The following CLEC16A variants were observed in gnomAD, a reference collection of about 807,000 sequenced individuals.
CLEC16A encodes protein CLEC16A.
Under a neutral mutation model 109.5 loss-of-function variants are expected in CLEC16A, and 51 were observed. The observed-to-expected ratio is 0.47, with a 90% CI of 0.37 to 0.59. The LOEUF (loss-of-function observed/expected upper bound fraction) is 0.59, where lower values mean the gene tolerates loss of function less well. Ranked by LOEUF, CLEC16A falls within the 20% of genes least tolerant of loss-of-function variation. CLEC16A has a pLI of 0.00. For missense variants in CLEC16A, 1,339 were observed against 1,394.0 expected (o/e 0.96, Z 0.63); for synonymous variants, 673 against 564.2 (o/e 1.19, Z -2.73).
At position 10,986,709 on chromosome 16, in the gene CLEC16A, G is replaced by C. The variant is rs2043680648; in HGVS notation, c.1071+3718G>C. Among the ~76,000 whole-genome samples, 3 of 142,978 alleles carry C rather than the reference G, an allele frequency of 2.1e-5. No individual in the cohort carries two copies. In the South Asian group the frequency reaches 6.6e-4, roughly 31 times the overall value. 93.8% of individuals were successfully genotyped at this position (142,978 alleles called of 152,430 possible). A position where few individuals can be genotyped will look rare whatever the true frequency, so the allele number is the denominator to read the frequency against. On this transcript the variant is annotated intron_variant, in intron 10 of 23. Coordinates refer to ENST00000409790, the MANE Select transcript of CLEC16A (RefSeq NM_015226.3). ...TTCATCCATGTTGTCGCATATATCA[G>C]AATTTATTTCTTTAAGGCTCAATGT... is the stretch of plus-strand genomic sequence containing the variant.
chr16:11,121,435 A>G (rs561063777), intron 20 of CLEC16A, among the ~76,000 whole-genome samples: 36 of 152,312 alleles, frequency 2.4e-4, no homozygotes, highest in African/African-American at 8.4e-4. Context: ...AGACACTGCC[A>G]AATACCACTC....
rs1285197306 is a variant in CLEC16A at position 11,039,745 on chromosome 16, C to G, written c.1538-9C>G. 1.3e-6 allele frequency: 2 copies of G among 1,592,878 alleles called. No individual in the cohort carries two copies. The highest frequency in any genetic ancestry group is 1.7e-4 in the Middle Eastern group (1 of 6,036). ...AGGCCTCCACTTACATCCTTCTCCT[C>G]TGTTCCAGGCATGGATCCTGAAAAA... On this transcript the variant is annotated splice_polypyrimidine_tract_variant and intron_variant, in intron 13 of 23. Transcript: ENST00000409790.
intron 22 of CLEC16A, among the ~76,000 whole-genome samples, chr16:11,138,245 G>C (rs761560615): frequency 6.6e-6 from 1 of 152,204 alleles, no homozygotes; most frequent in African/African-American, 2.4e-5. Context: ...GGGTCAGGGG[G>C]AGGGACTGTG....
chr16:11,105,891 C>G (rs1035830432), intron 19 of CLEC16A, among the ~76,000 whole-genome samples: 2 of 152,160 alleles, frequency 1.3e-5, no homozygotes, highest in Admixed American at 1.3e-4. Context: ...TCCTCAGTGG[C>G]CCTGAGTGTG....
chr16:10,984,542 T>C (rs375076324), intron 10 of CLEC16A, among the ~76,000 whole-genome samples: 2 of 151,724 alleles, frequency 1.3e-5, no homozygotes, highest in Non-Finnish European at 2.9e-5. Context: ...AATAACTCAC[T>C]GTCTTAACTC....
At chr16:11,126,698 C>G (rs2052847848) in intron 22 of CLEC16A, 1 of 172,698 alleles carries the variant, frequency 5.8e-6, no homozygotes, top group East Asian at 1.7e-4. Context: ...GCTGATTTGT[C>G]AGAGTGGAAA....
At chr16:11,150,970 A>C (rs996619683) in intron 22 of CLEC16A, among the ~76,000 whole-genome samples, 4 of 152,156 alleles carry the variant, frequency 2.6e-5, no homozygotes, top group African/African-American at 9.7e-5. Context: ...ATTTTTTAGG[A>C]GGCACAGACA....
intron 19 of CLEC16A, among the ~76,000 whole-genome samples, chr16:11,114,128 C>CGTGTGTGTGTGT (rs3030600): frequency 0.012 from 1,468 of 127,272 alleles, 32 homozygotes; most frequent in African/African-American, 0.021. Context: ...TGAGGATGGC[C>CGTGTGTGTGTGT]GTGTGTGTGT....
chr16:11,043,256 A>C (rs1159039087), intron 15 of CLEC16A, among the ~76,000 whole-genome samples: 1 of 152,150 alleles, frequency 6.6e-6, no homozygotes, highest in East Asian at 1.9e-4. Context: ...CTATCTCTAA[A>C]AAAACAAAAA....
chr16:11,143,483 C>T lies in CLEC16A; in HGVS notation c.2641+17337C>T, dbSNP rs371206638. On this transcript the variant is annotated intron_variant, in intron 22 of 23. Transcript: ENST00000409790. ...GCCACAGCCGCTTGTAAAAACCATGCCACTTATATAGCAGTTTCCCTTAGC... is the reference window on the plus strand; with the variant it reads ...GCCACAGCCGCTTGTAAAAACCATGTCACTTATATAGCAGTTTCCCTTAGC... Among the ~76,000 whole-genome samples the T allele has an allele frequency of 3.9e-5, 6 of 152,276 alleles. No homozygotes were observed. The East Asian group carries it at 7.7e-4, about 20-fold the overall frequency.
intron 13 of CLEC16A, among the ~76,000 whole-genome samples, chr16:11,039,267 A>G (rs371458807): frequency 4.7e-4 from 72 of 152,342 alleles, no homozygotes; most frequent in African/African-American, 1.6e-3. Flanking sequence ...GTCTTGGGCC[A>G]CCATGAGTAG....
At chr16:11,151,270 C>G (rs1480933652) in intron 22 of CLEC16A, among the ~76,000 whole-genome samples, 1 of 152,194 alleles carries the variant, frequency 6.6e-6, no homozygotes, top group African/African-American at 2.4e-5. Flanking sequence ...CCTCCAGAAA[C>G]CATTCCTTAG....
intron 19 of CLEC16A, 95 bp from the exon 20 acceptor site, chr16:11,120,520 C>A (rs766869551): frequency 3.7e-6 from 5 of 1,338,922 alleles, no homozygotes; most frequent in Non-Finnish European, 5.0e-6. Context: ...AACCACTGAG[C>A]TCTGCTCCTG....
intron 19 of CLEC16A, among the ~76,000 whole-genome samples, chr16:11,062,661 TG>T (rs1175441029): frequency 6.6e-6 from 1 of 152,230 alleles, no homozygotes; most frequent in Non-Finnish European, 1.5e-5. Flanking sequence ...GTGTGTTACC[TG>T]GTTGTCTGGT....
chr16:11,156,917 G>GCCCCCCCCCC (rs60216625), intron 22 of CLEC16A, among the ~76,000 whole-genome samples: 112 of 77,354 alleles, frequency 1.4e-3, no homozygotes, highest in Middle Eastern at 0.014. Context: ...CCAAATGCCC[G>GCCCCCCCCCC]CCCCCCCCCC....
chr16:11,048,755 G>A (rs747628645), intron 17 of CLEC16A, among the ~76,000 whole-genome samples: 3 of 152,100 alleles, frequency 2.0e-5, no homozygotes, highest in Non-Finnish European at 2.9e-5. Flanking sequence ...CAGCCCCTTC[G>A]AGAGAGGCTC....
chr16:11,066,406 A>T (rs1312298036), intron 19 of CLEC16A: 1 of 152,160 alleles, frequency 6.6e-6, no homozygotes, highest in Non-Finnish European at 1.5e-5. Flanking sequence ...AGGGGCTGGG[A>T]GGATGGTGAT....
At chr16:11,088,629 G>A (rs1296912295) in intron 19 of CLEC16A, among the ~76,000 whole-genome samples, 1 of 152,188 alleles carries the variant, frequency 6.6e-6, no homozygotes, top group Non-Finnish European at 1.5e-5. Context: ...GCCACGCGCG[G>A]AGAGCTTCTC....
At chr16:11,004,003 T>C (rs2044835451) in intron 11 of CLEC16A, among the ~76,000 whole-genome samples, 1 of 152,116 alleles carries the variant, frequency 6.6e-6, no homozygotes, top group African/African-American at 2.4e-5. Context: ...TTTAGTATTT[T>C]TAAAATACTG....
Sources: gnomAD v4.1 joint callset for allele counts (sites outside exome capture counted in the v4.1 genomes callset) on GRCh38, gnomAD v4.1.1 for gene constraint, MANE v1.5 for transcripts, NCBI Gene and HGNC (gene_info 2026-07-23, HGNC 2026-07-21) for gene names.